The following NEGR1 variants were observed in gnomAD, a reference collection of about 807,000 sequenced individuals.
The protein encoded by NEGR1 is neuronal growth regulator 1.
NEGR1 carries 10 observed loss-of-function variants against 40.9 expected under a neutral mutation model. The ratio of observed to expected loss-of-function variants is 0.24; its 90% CI spans 0.15 to 0.42. The LOEUF is 0.42. Ranked by LOEUF, NEGR1 falls within the 10% of genes least tolerant of loss-of-function variation. The pLI, the probability that NEGR1 is intolerant of heterozygous loss-of-function variation, is 1.00. For missense variants in NEGR1, 352 were observed against 438.9 expected, an observed-to-expected ratio of 0.80 and a Z score of 1.77; for synonymous variants, 185 against 166.8, an observed-to-expected ratio of 1.11 and a Z score of -0.84.
intron 1 of NEGR1, among the ~76,000 whole-genome samples, chr1:72,281,207 A>G (rs1300698135): frequency 1.3e-5 from 2 of 152,090 alleles, no homozygotes; most frequent in Non-Finnish European, 1.5e-5. Flanking sequence ...GTAGGAATAA[A>G]AAGGGGATAG....
intron 2 of NEGR1, among the ~76,000 whole-genome samples, chr1:71,834,033 A>G (rs1467205931): frequency 6.6e-6 from 1 of 152,146 alleles, no homozygotes; most frequent in African/African-American, 2.4e-5. Flanking sequence ...TGTTTGTTGA[A>G]CAAATAAATG....
intron 2 of NEGR1, among the ~76,000 whole-genome samples, chr1:71,934,747 A>G (rs1407090066): frequency 6.6e-6 from 1 of 152,114 alleles, no homozygotes; most frequent in African/African-American, 2.4e-5. Context: ...TATCTTTGTA[A>G]GTAGGGATTT....
intron 1 of NEGR1, among the ~76,000 whole-genome samples, chr1:72,162,682 T>C (rs1337073421): frequency 6.6e-6 from 1 of 152,046 alleles, no homozygotes; most frequent in African/African-American, 2.4e-5. Flanking sequence ...TGAAAATACA[T>C]GAAACAAGCC....
intron 1 of NEGR1, among the ~76,000 whole-genome samples, chr1:72,006,008 A>C (rs1403040511): frequency 6.6e-6 from 1 of 152,158 alleles, no homozygotes; most frequent in Non-Finnish European, 1.5e-5. Context: ...TTGAATTCCT[A>C]CGAAAAGGAG....
At chr1:71,539,483 C>T (rs189007832) in intron 6 of NEGR1, among the ~76,000 whole-genome samples, 87 of 151,792 alleles carry the variant, frequency 5.7e-4, no homozygotes, top group African/African-American at 2.0e-3. Context: ...AGATAGACTG[C>T]ATTTATTTTG....
chr1:71,614,524 T>C (rs544566133), intron 4 of NEGR1, among the ~76,000 whole-genome samples: 4 of 152,326 alleles, frequency 2.6e-5, no homozygotes, highest in South Asian at 2.1e-4. Context: ...ACAGGTAAGA[T>C]TGTATTTTCA....
In NEGR1 at chr1:71,814,968, T is replaced by C. The variant is rs1016938172; in HGVS notation, c.410-38671A>G. Among the ~76,000 whole-genome samples the C allele has an allele frequency of 2.0e-5, 3 of 152,156 alleles. No individual in the cohort carries two copies. In the East Asian group the frequency reaches 5.8e-4, roughly 29 times the overall value. On this transcript the variant is annotated intron_variant, in intron 2 of 6. Transcript: ENST00000357731. The stretch of plus-strand genomic sequence containing the variant: ...GCTAGCTTTGAAGTTTGTTTGCTCT[T>C]GGTTCCCTAGTTATTTTAGTTGTAA...
intron 1 of NEGR1, among the ~76,000 whole-genome samples, chr1:71,964,474 G>A (rs1646194197): frequency 6.6e-6 from 1 of 152,096 alleles, no homozygotes; most frequent in South Asian, 2.1e-4. Context: ...TCCTAGCTGA[G>A]GCTTTGATTC....
intron 4 of NEGR1, among the ~76,000 whole-genome samples, chr1:71,696,351 C>T (rs1653473954): frequency 6.6e-6 from 1 of 151,688 alleles, no homozygotes; most frequent in Non-Finnish European, 1.5e-5. Context: ...GTATAGGTCC[C>T]ATGCAAATCT....
At chr1:71,863,433 C>CTGGGACCTATTGGGGGAGTTG (rs1553170501) in intron 2 of NEGR1, among the ~76,000 whole-genome samples, 2 of 152,064 alleles carry the variant, frequency 1.3e-5, no homozygotes, top group Non-Finnish European at 2.9e-5. Flanking sequence ...ACAACACACA[C>CTGGGACCTATTGGGGGAGTTG]TGGGACCTAT....
intron 6 of NEGR1, among the ~76,000 whole-genome samples, chr1:71,522,166 T>C (rs1647162108): frequency 6.6e-6 from 1 of 152,018 alleles, no homozygotes. Flanking sequence ...AAAAAGGATA[T>C]AATACATTCC....
At chr1:71,810,751 C>T (rs1439051845) in intron 2 of NEGR1, among the ~76,000 whole-genome samples, 1 of 152,086 alleles carries the variant, frequency 6.6e-6, no homozygotes, top group Non-Finnish European at 1.5e-5. Flanking sequence ...TCCCTTCTCT[C>T]TCTTCCTCCT....
At chr1:72,074,557 C>T (rs1414247095) in intron 1 of NEGR1, among the ~76,000 whole-genome samples, 2 of 151,832 alleles carry the variant, frequency 1.3e-5, no homozygotes, top group African/African-American at 4.8e-5. Flanking sequence ...CCTACTTCTA[C>T]GTCATTAAAA....
intron 6 of NEGR1, among the ~76,000 whole-genome samples, chr1:71,522,884 T>C (rs1334139837): frequency 1.3e-5 from 2 of 151,856 alleles, no homozygotes; most frequent in African/African-American, 4.8e-5. Context: ...GTAAATGTGA[T>C]GAGTATTTCA....
intron 2 of NEGR1, among the ~76,000 whole-genome samples, chr1:71,927,946 C>T (rs1023525691): frequency 6.9e-6 from 1 of 145,646 alleles, no homozygotes; most frequent in Non-Finnish European, 1.5e-5. Flanking sequence ...CTGCAGTAGG[C>T]CAAGACTGAG....
At chr1:71,422,277 A>G (rs1329951396) in intron 6 of NEGR1, among the ~76,000 whole-genome samples, 2 of 152,182 alleles carry the variant, frequency 1.3e-5, no homozygotes, top group Non-Finnish European at 2.9e-5. Flanking sequence ...CATCTCTTTG[A>G]TGCAGCTGGC....
chr1:71,720,008 G>T (rs879284553), intron 3 of NEGR1, among the ~76,000 whole-genome samples: 1 of 152,052 alleles, frequency 6.6e-6, no homozygotes, highest in Non-Finnish European at 1.5e-5. Flanking sequence ...TAGCTGAAAA[G>T]GTAGTTGTCA....
At chr1:72,103,852 G>A (rs1021904947) in intron 1 of NEGR1, among the ~76,000 whole-genome samples, 3 of 152,044 alleles carry the variant, frequency 2.0e-5, no homozygotes, top group African/African-American at 7.2e-5. Flanking sequence ...TTTAATGATC[G>A]TTCACTGTCT....
chr1:71,842,999 C>T (rs1659295468), intron 2 of NEGR1, among the ~76,000 whole-genome samples: 1 of 152,116 alleles, frequency 6.6e-6, no homozygotes, highest in Non-Finnish European at 1.5e-5. Flanking sequence ...AACTTAACTT[C>T]TTTGGGCAAT....
Sources: gnomAD v4.1 joint callset for allele counts (sites outside exome capture counted in the v4.1 genomes callset) on GRCh38, gnomAD v4.1.1 for gene constraint, MANE v1.5 for transcripts, NCBI Gene and HGNC (gene_info 2026-07-23, HGNC 2026-07-21) for gene names.